The following DPF3 variants were observed in gnomAD, a reference collection of about 807,000 sequenced individuals.
DPF3 encodes double PHD fingers 3.
Under a neutral mutation model 56.8 loss-of-function variants are expected in DPF3, and 18 were observed. That is an observed-to-expected ratio of 0.32 (90% confidence interval 0.22 to 0.47). DPF3 has a LOEUF of 0.47. DPF3 is among the 20% of genes least tolerant of loss of function. The pLI is 1.00. For synonymous variants in DPF3, 188 were observed against 180.2 expected, an observed-to-expected ratio of 1.04 and a Z score of -0.35; for missense variants, 403 against 488.8, an observed-to-expected ratio of 0.82 and a Z score of 1.65.
intron 3 of DPF3, among the ~76,000 whole-genome samples, chr14:72,732,415 T>C (rs1362972586): frequency 6.6e-6 from 1 of 152,212 alleles, no homozygotes; most frequent in Non-Finnish European, 1.5e-5. Flanking sequence ...TCCCAGCTCT[T>C]GTCTGTCAAC....
intron 1 of DPF3, among the ~76,000 whole-genome samples, chr14:72,773,281 T>C (rs1209673532): frequency 6.6e-6 from 1 of 152,000 alleles, no homozygotes; most frequent in East Asian, 1.9e-4. Flanking sequence ...TATAGGTACC[T>C]GCCACCATGC....
At chr14:72,735,346 C>T (rs1889847791) in intron 3 of DPF3, among the ~76,000 whole-genome samples, 1 of 152,174 alleles carries the variant, frequency 6.6e-6, no homozygotes, top group African/African-American at 2.4e-5. Flanking sequence ...AATGTTCCAT[C>T]AATAGTGAAC....
chr14:72,818,491 G>A (rs1305313839), intron 1 of DPF3, among the ~76,000 whole-genome samples: 1 of 152,124 alleles, frequency 6.6e-6, no homozygotes, highest in African/African-American at 2.4e-5. Flanking sequence ...ACCAGCCTGG[G>A]AAACACAGAA....
At position 72,612,157 on chromosome 14, in the gene DPF3, C is replaced by G. The variant is rs1288894692; in HGVS notation, c.*7140G>C. Among the ~76,000 whole-genome samples, 5 of 152,168 alleles carry G rather than the reference C, an allele frequency of 3.3e-5. No homozygotes were observed. Among genetic ancestry groups the G allele is most frequent in the African/African-American group, 1.2e-4 (5 of 41,418 alleles). Reference sequence around the variant, plus strand: ...AGGAAAAACCCCCAGGGTGGACAACCATGGCAGATGAGTGGGGGGCAGCTT... The same window carrying G: ...AGGAAAAACCCCCAGGGTGGACAACGATGGCAGATGAGTGGGGGGCAGCTT... On this transcript the variant is annotated 3_prime_UTR_variant, in exon 11 of 11. Transcript: ENST00000556509.
At chr14:72,778,062 G>A (rs1304063290) in intron 1 of DPF3, among the ~76,000 whole-genome samples, 1 of 152,108 alleles carries the variant, frequency 6.6e-6, no homozygotes, top group African/African-American at 2.4e-5. Flanking sequence ...GCCATGAGAG[G>A]ACACAAAAAG....
At chr14:72,754,494 T>C (rs1008516586) in intron 2 of DPF3, among the ~76,000 whole-genome samples, 1 of 152,218 alleles carries the variant, frequency 6.6e-6, no homozygotes, top group African/African-American at 2.4e-5. Flanking sequence ...AATGAATATA[T>C]TGCAGCTTCC....
intron 1 of DPF3, among the ~76,000 whole-genome samples, chr14:72,864,023 T>C (rs906793530): frequency 6.6e-6 from 1 of 152,034 alleles, no homozygotes; most frequent in African/African-American, 2.4e-5. Context: ...TGCCAAAAGG[T>C]GGTGGAATGG....
chr14:72,877,486 G>A (rs979001326), intron 1 of DPF3, among the ~76,000 whole-genome samples: 5 of 152,174 alleles, frequency 3.3e-5, no homozygotes, highest in African/African-American at 1.2e-4. Flanking sequence ...AAAGGGATGA[G>A]AACAAATGAC....
intron 1 of DPF3, among the ~76,000 whole-genome samples, chr14:72,859,472 C>G (rs865823111): frequency 8.8e-5 from 4 of 45,226 alleles, no homozygotes; most frequent in Non-Finnish European, 1.6e-4. Flanking sequence ...AGCTTCCTCC[C>G]CCCCCCCCCC....
rs369003399 is a variant in DPF3, at chr14:72,866,870, C to A, written c.32+27187G>T. 7.3e-5 allele frequency among the ~76,000 whole-genome samples: 11 copies of A among 149,916 alleles called. No individual in the cohort carries two copies. In the East Asian group the frequency reaches 2.0e-3, roughly 27 times the overall value. The stretch of plus-strand genomic sequence containing the variant: ...AAACTCCATCCGACTCGTGATCCAC[C>A]CGACTCGGCCTCCCAAAGTGCTGGG... On this transcript the variant is annotated intron_variant, in intron 1 of 10. Coordinates refer to ENST00000556509, the MANE Select transcript of DPF3 (RefSeq NM_001280542.3).
chr14:72,757,739 G>A (rs1482191259), intron 2 of DPF3, among the ~76,000 whole-genome samples: 3 of 152,102 alleles, frequency 2.0e-5, no homozygotes, highest in Non-Finnish European at 2.9e-5. Flanking sequence ...ATGTGTGTAG[G>A]TTATATGCAA....
chr14:72,679,720 A>T (rs567873154), intron 7 of DPF3, among the ~76,000 whole-genome samples: 1 of 152,252 alleles, frequency 6.6e-6, no homozygotes, highest in South Asian at 2.1e-4. Flanking sequence ...TTATGACTTC[A>T]TCTCTCAAGT....
intron 7 of DPF3, among the ~76,000 whole-genome samples, chr14:72,679,887 T>C (rs977990811): frequency 1.3e-5 from 2 of 152,136 alleles, no homozygotes; most frequent in Non-Finnish European, 2.9e-5. Flanking sequence ...AGGAGGAAGC[T>C]TGGGGGCCGG....
At chr14:72,732,049 C>G in intron 3 of DPF3, 115 bp from the exon 4 acceptor site, 1 of 1,334,498 alleles carries the variant, frequency 7.5e-7, no homozygotes, top group South Asian at 1.5e-5. Context: ...GGGGCCTGTG[C>G]TCTCTCCTCC....
intron 1 of DPF3, among the ~76,000 whole-genome samples, chr14:72,846,484 C>T (rs1245229227): frequency 6.6e-6 from 1 of 152,042 alleles, no homozygotes; most frequent in African/African-American, 2.4e-5. Flanking sequence ...TACAGGCGCC[C>T]GCCACCACGC....
At position 72,615,486 on chromosome 14, in the gene DPF3, C is replaced by T. The variant is rs1044926875; in HGVS notation, c.*3811G>A. On this transcript the variant is annotated 3_prime_UTR_variant, in exon 11 of 11. Transcript: ENST00000556509. ...TTCAAAGCACGAATACAAAAATGCA[C>T]CAGGAGTGTGCAACCCTCCAGGGTA... 6.6e-6 allele frequency among the ~76,000 whole-genome samples: 1 copy of T among 152,216 alleles called. No individual in the cohort carries two copies. Among genetic ancestry groups the T allele is most frequent in the African/African-American group, 2.4e-5 (1 of 41,456 alleles).
At chr14:72,802,302 T>G (rs1365508642) in intron 1 of DPF3, among the ~76,000 whole-genome samples, 1 of 152,154 alleles carries the variant, frequency 6.6e-6, no homozygotes, top group Non-Finnish European at 1.5e-5. Context: ...AGACCCATGT[T>G]CTCACCCTGT....
At chr14:72,766,718 C>T (rs1891303198) in intron 2 of DPF3, among the ~76,000 whole-genome samples, 1 of 152,242 alleles carries the variant, frequency 6.6e-6, no homozygotes, top group Non-Finnish European at 1.5e-5. Flanking sequence ...TCCCAAAGTG[C>T]TGGGATTACA....
intron 1 of DPF3, among the ~76,000 whole-genome samples, chr14:72,862,666 T>C (rs1225638582): frequency 6.6e-6 from 1 of 152,156 alleles, no homozygotes; most frequent in African/African-American, 2.4e-5. Context: ...ACATCAGCCA[T>C]GCCTCCACCT....
Sources: allele counts gnomAD v4.1 joint callset (sites outside exome capture counted in the v4.1 genomes callset), GRCh38; gene constraint gnomAD v4.1.1; transcripts MANE v1.5; gene names NCBI Gene and HGNC (gene_info 2026-07-23, HGNC 2026-07-21).